The following CFAP47 variants were observed in gnomAD, a reference collection of about 807,000 sequenced individuals.
CFAP47 encodes the protein cilia- and flagella-associated protein 47.
A neutral mutation model predicts 148.1 loss-of-function variants in CFAP47; 29 were observed. That is an observed-to-expected ratio of 0.20 (90% CI 0.15 to 0.27). CFAP47 has a LOEUF of 0.27. CFAP47 is among the 10% of genes least tolerant of loss of function. The pLI, the probability that CFAP47 is intolerant of heterozygous loss-of-function variation, is 1.00. For synonymous variants in CFAP47, 664 were observed against 577.3 expected (o/e 1.15, Z -2.15); for missense variants, 1,872 against 1,697.5 (o/e 1.10, Z -1.81).
rs181911332 is a variant in CFAP47, at chrX:36,065,774, C to T, written c.4318+31C>T. The T allele has an allele frequency of 2.3e-4, 195 of 849,852 alleles. 1 individual carries two copies. The East Asian group carries it at 6.2e-3, about 27-fold the overall frequency. 70.0% of individuals were successfully genotyped at this position (849,852 alleles called of 1,213,427 possible). ...CTATGTATGACTTATTTATCCCTAA[C>T]TCTCACTGTATAGGTTCTTGGCCAA... On this transcript the variant is annotated intron_variant, in intron 27 of 63. Coordinates refer to ENST00000378653, the MANE Select transcript of CFAP47 (RefSeq NM_001304548.2).
chrX:36,207,851 A>G (rs782368232), intron 45 of CFAP47, among the ~76,000 whole-genome samples: 2 of 111,496 alleles, frequency 1.8e-5, no homozygotes, highest in African/African-American at 3.3e-5. Flanking sequence ...CTATGTTTCC[A>G]CTAGCAATTA....
chrX:36,191,258 A>G (rs1209551029), intron 42 of CFAP47, among the ~76,000 whole-genome samples: 1 of 111,718 alleles, frequency 9.0e-6, no homozygotes, highest in Non-Finnish European at 1.9e-5. Flanking sequence ...TCACTTTTGT[A>G]TATTAATTTG....
chrX:36,148,963 C>T (rs942252587), intron 36 of CFAP47, 145 bp from the exon 37 acceptor site: 15 of 214,131 alleles, frequency 7.0e-5, no homozygotes, highest in Non-Finnish European at 1.1e-4. Context: ...AATACAAATT[C>T]TGGCTTTGTC....
chrX:36,216,677 G>A (rs782484447), intron 45 of CFAP47, among the ~76,000 whole-genome samples: 4 of 111,627 alleles, frequency 3.6e-5, no homozygotes, highest in Admixed American at 9.6e-5. Flanking sequence ...GTAGGGGCTG[G>A]AGAAGTGGGG....
intron 48 of CFAP47, among the ~76,000 whole-genome samples, chrX:36,240,830 A>G (rs894663522): frequency 7.1e-5 from 8 of 112,274 alleles, no homozygotes; most frequent in African/African-American, 2.6e-4. Context: ...AGAATATACA[A>G]CATAAATATA....
chrX:36,122,942 C>T (rs924946024), intron 33 of CFAP47, among the ~76,000 whole-genome samples: 1 of 111,455 alleles, frequency 9.0e-6, no homozygotes, highest in African/African-American at 3.3e-5. Context: ...TGTACCCATA[C>T]TTCTTGGATT....
intron 26 of CFAP47, among the ~76,000 whole-genome samples, chrX:36,061,868 C>G (rs1002738402): frequency 8.9e-6 from 1 of 111,924 alleles, no homozygotes; most frequent in Non-Finnish European, 1.9e-5. Flanking sequence ...ATGTTCAAAA[C>G]ACCAACCCAG....
intron 62 of CFAP47, among the ~76,000 whole-genome samples, chrX:36,371,527 A>G (rs983505369): frequency 9.5e-5 from 10 of 105,104 alleles, no homozygotes; most frequent in African/African-American, 3.4e-4. Context: ...ATATGTGTGT[A>G]TATATATGTG....
intron 33 of CFAP47, among the ~76,000 whole-genome samples, chrX:36,114,836 A>T (rs1385153173): frequency 9.0e-6 from 1 of 111,167 alleles, no homozygotes; most frequent in Non-Finnish European, 1.9e-5. Flanking sequence ...CCTAATTTAT[A>T]CGTGCCAGCA....
intron 26 of CFAP47, among the ~76,000 whole-genome samples, chrX:36,063,262 T>C (rs1037360152): frequency 1.7e-4 from 19 of 111,688 alleles, no homozygotes; most frequent in Non-Finnish European, 3.0e-4. Flanking sequence ...AATATTACCA[T>C]TGTCCCCTGA....
chrX:36,190,707 C>T (rs1939856388), intron 42 of CFAP47, among the ~76,000 whole-genome samples: 1 of 111,291 alleles, frequency 9.0e-6, no homozygotes, highest in African/African-American at 3.3e-5. Context: ...GCCACCTACA[C>T]TTTCAAAACT....
At chrX:36,191,057 T>C (rs2146875764) in intron 42 of CFAP47, among the ~76,000 whole-genome samples, 1 of 111,809 alleles carries the variant, frequency 8.9e-6, no homozygotes, top group South Asian at 3.7e-4. Context: ...ATTAGAAATG[T>C]AAAATATAGT....
intron 57 of CFAP47, among the ~76,000 whole-genome samples, chrX:36,347,128 A>G (rs1312891163): frequency 8.9e-6 from 1 of 112,284 alleles, no homozygotes; most frequent in Non-Finnish European, 1.9e-5. Flanking sequence ...GGCAAAGGAT[A>G]TGAACAGACA....
intron 18 of CFAP47, among the ~76,000 whole-genome samples, chrX:35,994,413 A>G (rs933389456): frequency 9.8e-5 from 11 of 112,060 alleles, no homozygotes; most frequent in African/African-American, 3.6e-4. Flanking sequence ...GTTTGTATTT[A>G]CTCACATTAA....
rs1300933487 is a variant in CFAP47 at position 36,353,616 on chromosome X, C to A, written c.8786C>A (p.Pro2929Gln). Reference sequence around the variant, plus strand: ...GGTTTTTTCGGATTTAGTCTTACTCCAGATCTGACAGAAGTTTTAGTGATT... The same window carrying A: ...GGTTTTTTCGGATTTAGTCTTACTCAAGATCTGACAGAAGTTTTAGTGATT... ...NAGFFGFSLTPDLTEVLVIPK... is the reference protein window; with the variant it reads ...NAGFFGFSLTQDLTEVLVIPK... The change falls in exon 60 of 64, where the codon CCA becomes CAA. Residue 2929 changes from proline (P) to glutamine (Q), a missense_variant. Coordinates refer to ENST00000378653, the MANE Select transcript of CFAP47 (RefSeq NM_001304548.2). 5 of 1,159,835 alleles carry A rather than the reference C, an allele frequency of 4.3e-6. No homozygotes were observed. In the East Asian group the frequency reaches 1.6e-4, roughly 38 times the overall value.
chrX:36,055,534 G>A (rs1937548302), intron 26 of CFAP47, among the ~76,000 whole-genome samples: 2 of 112,095 alleles, frequency 1.8e-5, no homozygotes, highest in Non-Finnish European at 3.8e-5. Context: ...GTATTCCATG[G>A]TGTATATGTA....
intron 33 of CFAP47, among the ~76,000 whole-genome samples, chrX:36,134,680 A>G (rs1229828913): frequency 9.0e-6 from 1 of 111,382 alleles, no homozygotes; most frequent in Non-Finnish European, 1.9e-5. Context: ...TTTTATATAC[A>G]TACATATATA....
intron 45 of CFAP47, among the ~76,000 whole-genome samples, chrX:36,224,505 G>T (rs1940248382): frequency 9.0e-6 from 1 of 111,704 alleles, no homozygotes; most frequent in Non-Finnish European, 1.9e-5. Context: ...CGTTGACCTG[G>T]TTGTGGCCAT....
At chrX:36,017,093 A>G (rs6629029) in intron 22 of CFAP47, among the ~76,000 whole-genome samples, 10,921 of 110,913 alleles carry the variant, frequency 0.098, 522 homozygotes, top group East Asian at 0.3. Context: ...AGTTTCCTCA[A>G]AAAATACAAA....
Sources: gnomAD v4.1 joint callset for allele counts (sites outside exome capture counted in the v4.1 genomes callset) on GRCh38, gnomAD v4.1.1 for gene constraint, MANE v1.5 for transcripts, NCBI Gene and HGNC (gene_info 2026-07-23, HGNC 2026-07-21) for gene names.